The following CCDC15 variants were observed in gnomAD, a reference collection of about 807,000 sequenced individuals.
The protein encoded by CCDC15 is coiled-coil domain-containing protein 15.
In CCDC15, 105 loss-of-function variants were observed where a neutral mutation model predicts 114.5. The ratio of observed to expected loss-of-function variants is 0.92; its 90% CI spans 0.78 to 1.08. The LOEUF is 1.08. CCDC15 is among the 50% of genes least tolerant of loss of function. The pLI is 0.00. For synonymous variants in CCDC15, 334 were observed against 377.8 expected (o/e 0.88, Z 1.34); for missense variants, 1,105 against 1,093.6 (o/e 1.01, Z -0.15).
intron 5 of CCDC15, among the ~76,000 whole-genome samples, chr11:124,976,792 A>G (rs1947981468): frequency 6.6e-6 from 1 of 152,124 alleles, no homozygotes; most frequent in African/African-American, 2.4e-5. Flanking sequence ...TCTTTGTATA[A>G]ACCAGTTTTT....
In CCDC15 at chr11:124,986,907, T is replaced by C. The variant is rs754581535; in HGVS notation, c.900+19T>C. ...AGTTCAGGTAAAGCAATAAGAGAAA[T>C]TAAATTAATTGTGATTTGGACTAGG... On this transcript the variant is annotated intron_variant, in intron 7 of 15. Transcript: ENST00000344762. 33 of 1,523,774 alleles carry C rather than the reference T, an allele frequency of 2.2e-5. No homozygotes were observed. Among genetic ancestry groups the C allele is most frequent in the Non-Finnish European group, 2.7e-5 (31 of 1,136,580 alleles). 94.4% of individuals were successfully genotyped at this position (1,523,774 alleles called of 1,614,324 possible).
chr11:124,987,049 A>G, intron 7 of CCDC15, 78 bp from the exon 8 acceptor site: 1 of 1,372,560 alleles, frequency 7.3e-7, no homozygotes. Flanking sequence ...TATCATTTTG[A>G]TATTTCGATT....
rs1257806562 is a variant in CCDC15, at chr11:124,986,750, C to G, written c.762C>G (p.Asp254Glu). Residue 254 changes from aspartate to glutamate, a missense_variant, in exon 7 of 16, where the codon GAC (aspartate) becomes GAG (glutamate). By Grantham distance (45) the Asp-to-Glu change is conservative. Coordinates refer to ENST00000344762, the MANE Select transcript of CCDC15 (RefSeq NM_025004.3). ...ATTGTTTTTTTCTTTAGGAACTTGA[C>G]TATGAGGAACCTGACTATGAGGAAT... ...YQNYMENQELDYEEPDYEESS... is the reference protein window; with the variant it reads ...YQNYMENQELEYEEPDYEESS... The G allele has an allele frequency of 5.9e-6, 9 of 1,529,198 alleles. No individual in the cohort carries two copies. The highest frequency in any genetic ancestry group is 7.9e-6 in the Non-Finnish European group (9 of 1,137,754). The allele number at this position is 1,529,198 out of a possible 1,614,324, so 94.7% of individuals were successfully genotyped here. A position where few individuals can be genotyped will look rare whatever the true frequency, so the allele number is the denominator to read the frequency against.
In CCDC15 at chr11:124,959,808, C is replaced by T. The variant is rs528033536; in HGVS notation, c.328-7C>T. ...ATGTTACTATCCCCCTTTCTTCTTTCGTGTAGGCACAAAAAGAAGGCTCCA... is the reference window on the plus strand; with the variant it reads ...ATGTTACTATCCCCCTTTCTTCTTTTGTGTAGGCACAAAAAGAAGGCTCCA... On this transcript the variant is annotated splice_polypyrimidine_tract_variant and splice_region_variant and intron_variant, in intron 3 of 15. Transcript: ENST00000344762. 2.6e-5 allele frequency: 38 copies of T among 1,471,930 alleles called. No individual in the cohort carries two copies. In the East Asian group the frequency reaches 4.5e-4, roughly 17 times the overall value. 91.2% of individuals were successfully genotyped at this position (1,471,930 alleles called of 1,614,324 possible).
At chr11:124,986,708 C>CGCGT in intron 6 of CCDC15, 34 bp from the exon 7 acceptor site, 2 of 1,401,804 alleles carry the variant, frequency 1.4e-6, no homozygotes, top group African/African-American at 3.4e-5. Context: ...TGTGCGCGCG[C>CGCGT]GCGCGTGCGC....
chr11:124,991,310 G>A (rs918914218), intron 8 of CCDC15, 151 bp from the exon 9 acceptor site: 15 of 440,050 alleles, frequency 3.4e-5, no homozygotes, highest in Admixed American at 7.6e-5. Context: ...CTTCAGAACT[G>A]ACAAAAAGTA....
intron 6 of CCDC15, 37 bp downstream of exon 6, chr11:124,977,637 G>T (rs375890214): frequency 6.3e-7 from 1 of 1,581,486 alleles, no homozygotes; most frequent in Non-Finnish European, 8.6e-7. Flanking sequence ...AAAGACATTG[G>T]CTTATTAGAA....
At chr11:124,957,360 G>A (rs925647729) in intron 2 of CCDC15, among the ~76,000 whole-genome samples, 3 of 152,224 alleles carry the variant, frequency 2.0e-5, no homozygotes, top group African/African-American at 7.2e-5. Flanking sequence ...GCTTGGCCTA[G>A]GATGACTAGA....
At chr11:124,980,987 T>A (rs191602159) in intron 6 of CCDC15, among the ~76,000 whole-genome samples, 3 of 152,334 alleles carry the variant, frequency 2.0e-5, no homozygotes, top group African/African-American at 7.2e-5. Flanking sequence ...TTTCAAATAA[T>A]TTCTTGATTT....
chr11:125,015,554 T>C (rs540291571), intron 13 of CCDC15, among the ~76,000 whole-genome samples: 1 of 152,222 alleles, frequency 6.6e-6, no homozygotes, highest in East Asian at 1.9e-4. Context: ...ACTTGAGTAA[T>C]CCCGTATCAC....
intron 13 of CCDC15, among the ~76,000 whole-genome samples, chr11:125,034,811 C>T (rs1005881899): frequency 5.3e-5 from 8 of 152,056 alleles, no homozygotes; most frequent in Non-Finnish European, 1.0e-4. Context: ...ACTCCAGAAA[C>T]CCCAAAACCA....
chr11:124,989,783 GT>G (rs202200305), intron 8 of CCDC15, among the ~76,000 whole-genome samples: 2 of 152,156 alleles, frequency 1.3e-5, no homozygotes, highest in South Asian at 4.1e-4. Flanking sequence ...TTCTTCTGTA[GT>G]TTTTTCACTT....
chr11:124,958,542 C>T (rs1024702814), intron 2 of CCDC15, among the ~76,000 whole-genome samples: 8 of 151,494 alleles, frequency 5.3e-5, no homozygotes, highest in African/African-American at 9.7e-5. Flanking sequence ...TACTAGATGC[C>T]GTAGGGGAAA....
At chr11:125,008,042 G>T (rs1283275946) in intron 13 of CCDC15, among the ~76,000 whole-genome samples, 1 of 152,128 alleles carries the variant, frequency 6.6e-6, no homozygotes, top group Non-Finnish European at 1.5e-5. Flanking sequence ...CTTTAAATAA[G>T]TTTGTCAATA....
chr11:125,033,603 G>T (rs572915564), intron 13 of CCDC15, among the ~76,000 whole-genome samples: 2 of 152,234 alleles, frequency 1.3e-5, no homozygotes, highest in South Asian at 2.1e-4. Flanking sequence ...GAATGAGAAG[G>T]TCTAAAGTGA....
At chr11:125,034,103 C>T (rs1255871377) in intron 13 of CCDC15, among the ~76,000 whole-genome samples, 1 of 152,154 alleles carries the variant, frequency 6.6e-6, no homozygotes, top group South Asian at 2.1e-4. Context: ...CAGGGGAGGC[C>T]ATCACTGTTG....
chr11:124,986,714 T>TGCGCGCGCGCGCGCGC (rs60614383), intron 6 of CCDC15, 28 bp from the exon 7 acceptor site: 1 of 1,256,266 alleles, frequency 8.0e-7, no homozygotes, highest in African/African-American at 1.7e-5. Flanking sequence ...CGCGCGCGCG[T>TGCGCGCGCGCGCGCGC]GCGCGTTTTC....
At position 124,992,773 on chromosome 11, in the gene CCDC15, C is replaced by T. The variant is rs1948293742; in HGVS notation, c.2139+86C>T. ...TATTAACATTGAGGCTGAAGCCTGT[C>T]AAGCTAGCTTGTTTGTGGAATACAT... On this transcript the variant is annotated intron_variant, in intron 10 of 15. Coordinates refer to ENST00000344762, the MANE Select transcript of CCDC15 (RefSeq NM_025004.3). The T allele has an allele frequency of 3.6e-5, 26 of 727,510 alleles. No individual in the cohort carries two copies. The South Asian group carries it at 4.6e-4, about 13-fold the overall frequency. 45.1% of individuals were successfully genotyped at this position (727,510 alleles called of 1,614,324 possible).
At position 124,996,204 on chromosome 11, in the gene CCDC15, C is replaced by T. The variant is rs190225771; in HGVS notation, c.2214+2961C>T. ...ACACTTTAATAGTATAGATTTATAT[C>T]ACATTCATACTTAGGGTTCCCAGGG... On this transcript the variant is annotated intron_variant, in intron 11 of 15. Coordinates refer to ENST00000344762, the MANE Select transcript of CCDC15 (RefSeq NM_025004.3). 3.9e-5 allele frequency among the ~76,000 whole-genome samples: 6 copies of T among 152,200 alleles called. No homozygotes were observed. In the East Asian group the frequency reaches 1.2e-3, roughly 29 times the overall value.
Sources: allele counts gnomAD v4.1 joint callset (sites outside exome capture counted in the v4.1 genomes callset), GRCh38; gene constraint gnomAD v4.1.1; transcripts MANE v1.5; gene names NCBI Gene and HGNC (gene_info 2026-07-23, HGNC 2026-07-21).